The following MYOM2 variants were observed in gnomAD, a reference collection of about 807,000 sequenced individuals.
MYOM2 encodes myomesin 2.
MYOM2 carries 254 observed loss-of-function variants against 187.6 expected under a neutral mutation model. The ratio of observed to expected loss-of-function variants is 1.35; its 90% CI spans 1.22 to 1.50. MYOM2 has a LOEUF of 1.50. Among genes scored for constraint, MYOM2 ranks in the 40% most tolerant of loss-of-function variants. The pLI, the probability that MYOM2 is intolerant of heterozygous loss-of-function variation, is 0.00. For missense variants in MYOM2, 2,796 were observed against 1,924.0 expected, an observed-to-expected ratio of 1.45 and a Z score of -8.48; for synonymous variants, 981 against 753.8, an observed-to-expected ratio of 1.30 and a Z score of -4.94.
At chr8:2,098,284 G>T (rs896551547) in intron 18 of MYOM2, among the ~76,000 whole-genome samples, 1 of 152,126 alleles carries the variant, frequency 6.6e-6, no homozygotes, top group South Asian at 2.1e-4. Flanking sequence ...TTGGTCAAAG[G>T]CCTCCCTGGT....
chr8:2,113,940 G>A (rs1470470660), intron 25 of MYOM2, among the ~76,000 whole-genome samples: 1 of 152,204 alleles, frequency 6.6e-6, no homozygotes, highest in Admixed American at 6.5e-5. Context: ...TGCTCTCAGG[G>A]GCTCATTGTC....
intron 28 of MYOM2, among the ~76,000 whole-genome samples, chr8:2,119,657 C>A (rs6989996): frequency 0.73 from 111,547 of 151,974 alleles, 41,031 homozygotes; most frequent in Admixed American, 0.8. Flanking sequence ...TGAGGGAGAG[C>A]GAGGGGAGTC....
rs920807009 is a variant in MYOM2 at position 2,076,296 on chromosome 8, A to G, written c.1262+14A>G. 2.5e-6 allele frequency: 4 copies of G among 1,612,554 alleles called. No homozygotes were observed. The East Asian group carries it at 6.7e-5, about 27-fold the overall frequency. The stretch of plus-strand genomic sequence containing the variant: ...TTTTGTGGACCGGTGAGCGTCTTGC[A>G]TTCTCCCGGGGATGGGAACGTTCCG... On this transcript the variant is annotated intron_variant, in intron 11 of 36. Coordinates refer to ENST00000262113, the MANE Select transcript of MYOM2 (RefSeq NM_003970.4).
chr8:2,068,036 G>C (rs1014765137), intron 6 of MYOM2, among the ~76,000 whole-genome samples: 1 of 152,156 alleles, frequency 6.6e-6, no homozygotes, highest in African/African-American at 2.4e-5. Flanking sequence ...TGAGGGCTTC[G>C]ATGGGTTTTC....
chr8:2,082,876 G>A (rs1360318163), intron 13 of MYOM2, among the ~76,000 whole-genome samples: 1 of 152,116 alleles, frequency 6.6e-6, no homozygotes, highest in Non-Finnish European at 1.5e-5. Flanking sequence ...CATTTACTTA[G>A]AGAAAAATCT....
chr8:2,045,394 C>G (rs970872306), intron 1 of MYOM2, among the ~76,000 whole-genome samples: 2 of 152,172 alleles, frequency 1.3e-5, no homozygotes, highest in Non-Finnish European at 2.9e-5. Context: ...TTCCCACAGC[C>G]GTGGTCTTTG....
In MYOM2 at chr8:2,145,060, C is replaced by G. The variant is rs146732433; in HGVS notation, c.*79C>G. On this transcript the variant is annotated 3_prime_UTR_variant, in exon 37 of 37. Transcript: ENST00000262113. ...CTGTGTGCTTGTTCCAAATGAGCAG[C>G]TGGCATCCGAGTGGTGTCCTGTGTG... is the stretch of plus-strand genomic sequence containing the variant. 1.3e-6 allele frequency: 2 copies of G among 1,500,188 alleles called. No homozygotes were observed. The highest frequency in any genetic ancestry group is 2.3e-5 in the East Asian group (1 of 42,780). The allele number at this position is 1,500,188 out of a possible 1,614,324, so 92.9% of individuals were successfully genotyped here.
At chr8:2,134,411 T>A (rs1271631499) in intron 32 of MYOM2, among the ~76,000 whole-genome samples, 1 of 152,220 alleles carries the variant, frequency 6.6e-6, no homozygotes, top group African/African-American at 2.4e-5. Context: ...ATCACTGGGT[T>A]AAGGCAATGT....
At chr8:2,091,660 T>G (rs925097455) in intron 15 of MYOM2, among the ~76,000 whole-genome samples, 1 of 152,228 alleles carries the variant, frequency 6.6e-6, no homozygotes, top group Non-Finnish European at 1.5e-5. Context: ...TCTATCTGGC[T>G]CTGGTTTTAA....
chr8:2,102,974 G>C (rs1179905066), intron 21 of MYOM2, among the ~76,000 whole-genome samples, 193 bp downstream of exon 21: 2 of 151,586 alleles, frequency 1.3e-5, no homozygotes. Context: ...TGTATGTATG[G>C]GTATGTGGAT....
intron 6 of MYOM2, among the ~76,000 whole-genome samples, chr8:2,061,242 C>G (rs889612072): frequency 1.3e-5 from 2 of 151,790 alleles, no homozygotes; most frequent in African/African-American, 2.4e-5. Context: ...CGTCTCTGTC[C>G]CCGTCCAGCC....
rs142141003 is a variant in MYOM2 at position 2,070,613 on chromosome 8, C to T, written c.793+1116C>T. ...TCCTGGCAGTCACCTGGTCCCATCC[C>T]GGGGTTTCTCCTATCTATTAACATT... On this transcript the variant is annotated intron_variant, in intron 8 of 36. Coordinates refer to ENST00000262113, the MANE Select transcript of MYOM2 (RefSeq NM_003970.4). Among the ~76,000 whole-genome samples the T allele has an allele frequency of 1.6e-3, 210 of 133,754 alleles. 1 individual carries two copies. Among genetic ancestry groups the T allele is most frequent in the African/African-American group, 5.0e-3 (204 of 41,080 alleles). 87.7% of individuals were successfully genotyped at this position (133,754 alleles called of 152,430 possible). A position where few individuals can be genotyped will look rare whatever the true frequency, so the allele number is the denominator to read the frequency against.
At chr8:2,079,374 C>T (rs1819543344) in intron 12 of MYOM2, among the ~76,000 whole-genome samples, 186 bp from the exon 13 acceptor site, 1 of 152,056 alleles carries the variant, frequency 6.6e-6, no homozygotes, top group Non-Finnish European at 1.5e-5. Flanking sequence ...TTTGCATCCA[C>T]CACCAAGAGC....
At chr8:2,060,799 T>A (rs759909133) in intron 6 of MYOM2, among the ~76,000 whole-genome samples, 24 of 151,418 alleles carry the variant, frequency 1.6e-4, no homozygotes, top group Non-Finnish European at 3.5e-4. Flanking sequence ...TAAAAAGTTA[T>A]CCTGACACTC....
At chr8:2,144,553 T>C (rs1798388339) in intron 36 of MYOM2, 111 bp from the exon 37 acceptor site, 2 of 1,115,504 alleles carry the variant, frequency 1.8e-6, no homozygotes, top group African/African-American at 1.6e-5. Flanking sequence ...AACAAACGAT[T>C]GAAGGACCAA....
Position 2,057,763 on chromosome 8 carries a change from C to G in MYOM2, c.543C>G (p.Pro181=). 1 of 1,614,082 alleles carries G rather than the reference C, an allele frequency of 6.2e-7. No homozygotes were observed. The highest frequency in any genetic ancestry group is 8.5e-7 in the Non-Finnish European group (1 of 1,180,004). ...VKLCFTVQGF[P]TPVVQWYKDG... ...TCTGCTTCACCGTGCAAGGATTTCCCACGCCCGTGGTGCAGTGGTGAGGGG... is the reference window on the plus strand; with the variant it reads ...TCTGCTTCACCGTGCAAGGATTTCCGACGCCCGTGGTGCAGTGGTGAGGGG... The change falls in exon 5 of 37, where the codon CCC becomes CCG. Residue 181 remains proline (P), a synonymous_variant. Transcript: ENST00000262113.
At chr8:2,097,731 G>A (rs961908673) in intron 18 of MYOM2, among the ~76,000 whole-genome samples, 73 of 152,306 alleles carry the variant, frequency 4.8e-4, no homozygotes, top group African/African-American at 1.5e-3. Context: ...TGCCCAGGTT[G>A]GTCTGGAACT....
intron 14 of MYOM2, among the ~76,000 whole-genome samples, chr8:2,086,213 CATGATCTCTTTGTGGCCCCCCACTGTT>C (rs1423197694): frequency 2.2e-5 from 1 of 44,558 alleles, no homozygotes; most frequent in Non-Finnish European, 6.0e-5. Context: ...GCCCCACTGT[CATGATCTCTTTGTGGCCCCCCACTGTT>C]GTGATCTTTG....
intron 31 of MYOM2, among the ~76,000 whole-genome samples, chr8:2,127,219 T>G (rs1797678968): frequency 6.6e-6 from 1 of 152,066 alleles, no homozygotes; most frequent in Non-Finnish European, 1.5e-5. Context: ...TTGTGATTCC[T>G]TGAAGGGTGA....
Sources: allele counts gnomAD v4.1 joint callset (sites outside exome capture counted in the v4.1 genomes callset), GRCh38; gene constraint gnomAD v4.1.1; transcripts MANE v1.5; gene names NCBI Gene and HGNC (gene_info 2026-07-23, HGNC 2026-07-21).